Variants in L3MBTL4 observed in about 807,000 individuals in gnomAD.
The protein encoded by L3MBTL4 is lethal(3)malignant brain tumor-like protein 4.
In L3MBTL4, 70 loss-of-function variants were observed where a neutral mutation model predicts 84.5. The observed-to-expected ratio is 0.83, with a 90% CI of 0.68 to 1.01. L3MBTL4 has a LOEUF of 1.01. L3MBTL4 is among the 50% of genes least tolerant of loss of function. The pLI is 0.00. For synonymous variants in L3MBTL4, 274 were observed against 259.8 expected, an observed-to-expected ratio of 1.05 and a Z score of -0.52; for missense variants, 715 against 754.8, an observed-to-expected ratio of 0.95 and a Z score of 0.62.
At chr18:6,273,566 T>C (rs1265059284) in intron 4 of L3MBTL4, among the ~76,000 whole-genome samples, 1 of 151,212 alleles carries the variant, frequency 6.6e-6, no homozygotes, top group Non-Finnish European at 1.5e-5. Context: ...CCAGGGGACT[T>C]TCTCCAACAG....
At chr18:6,224,393 G>A (rs2046688835) in intron 10 of L3MBTL4, among the ~76,000 whole-genome samples, 1 of 152,230 alleles carries the variant, frequency 6.6e-6, no homozygotes, top group African/African-American at 2.4e-5. Context: ...GCAGTGTGGG[G>A]CTAAACACAG....
chr18:5,991,484 C>G (rs1165491290), intron 16 of L3MBTL4, among the ~76,000 whole-genome samples: 1 of 152,160 alleles, frequency 6.6e-6, no homozygotes, highest in African/African-American at 2.4e-5. Context: ...AGTCACATGG[C>G]AGGTTGGTCA....
intron 16 of L3MBTL4, among the ~76,000 whole-genome samples, chr18:6,036,969 G>C (rs899268524): frequency 1.3e-5 from 2 of 152,148 alleles, no homozygotes. Context: ...AAGAAGAAAA[G>C]AGAAAAATGA....
intron 15 of L3MBTL4, among the ~76,000 whole-genome samples, chr18:6,089,180 G>T (rs939312707): frequency 2.2e-4 from 33 of 152,188 alleles, no homozygotes; most frequent in African/African-American, 7.7e-4. Context: ...GGGGAGTAGA[G>T]GGGAGCTGCA....
chr18:6,350,872 C>A (rs2143762613), intron 1 of L3MBTL4, among the ~76,000 whole-genome samples: 1 of 152,230 alleles, frequency 6.6e-6, no homozygotes, highest in Non-Finnish European at 1.5e-5. Flanking sequence ...TATAAACATA[C>A]AATGGAATAT....
At chr18:6,218,057 A>T (rs2046397591) in intron 10 of L3MBTL4, among the ~76,000 whole-genome samples, 2 of 151,876 alleles carry the variant, frequency 1.3e-5, no homozygotes, top group South Asian at 4.2e-4. Context: ...CCTTTCCTTT[A>T]TGAGTTATAC....
intron 16 of L3MBTL4, chr18:6,030,299 A>G: frequency 1.0e-6 from 1 of 985,432 alleles, no homozygotes; most frequent in South Asian, 4.7e-5. Flanking sequence ...GCACAAATCA[A>G]TAATATGCTT....
intron 4 of L3MBTL4, among the ~76,000 whole-genome samples, chr18:6,294,910 G>T (rs1402946273): frequency 6.6e-6 from 1 of 152,092 alleles, no homozygotes; most frequent in African/African-American, 2.4e-5. Context: ...ATAAGGCAAA[G>T]ATTTTAATAC....
intron 14 of L3MBTL4, among the ~76,000 whole-genome samples, chr18:6,124,220 T>C (rs191097813): frequency 6.6e-6 from 1 of 152,018 alleles, no homozygotes; most frequent in Non-Finnish European, 1.5e-5. Context: ...GAGGGATAGA[T>C]GTAGAGGTTC....
chr18:6,067,169 G>A (rs538400445), intron 16 of L3MBTL4, among the ~76,000 whole-genome samples: 2 of 152,294 alleles, frequency 1.3e-5, no homozygotes, highest in African/African-American at 4.8e-5. Context: ...GAAATCTGCT[G>A]TTAGTTGGAT....
intron 14 of L3MBTL4, among the ~76,000 whole-genome samples, chr18:6,133,545 T>C (rs1229549684): frequency 1.3e-5 from 2 of 151,928 alleles, no homozygotes; most frequent in African/African-American, 4.8e-5. Context: ...CCTGGTTTCC[T>C]CCTCCCCTCA....
At position 6,114,018 on chromosome 18, in the gene L3MBTL4, A is replaced by G. The variant is rs1437322855; in HGVS notation, c.1200-20490T>C. The stretch of plus-strand genomic sequence containing the variant: ...TTCTTCCAATATTAATTGAGCACCT[A>G]CTTGATGCCAAGAACTGTTGTAGGC... On this transcript the variant is annotated intron_variant, in intron 14 of 18. Transcript: ENST00000317931. Among the ~76,000 whole-genome samples the G allele has an allele frequency of 1.7e-4, 26 of 152,180 alleles. 1 individual carries two copies. Among genetic ancestry groups the G allele is most frequent in the Admixed American group, 1.7e-3 (26 of 15,264 alleles).
At chr18:6,245,164 G>T (rs542310005) in intron 5 of L3MBTL4, among the ~76,000 whole-genome samples, 1 of 152,244 alleles carries the variant, frequency 6.6e-6, no homozygotes, top group East Asian at 1.9e-4. Flanking sequence ...CTCCCAAAGT[G>T]CTGGGATTAC....
chr18:6,255,653 C>T (rs1477353951), intron 5 of L3MBTL4, among the ~76,000 whole-genome samples: 1 of 151,976 alleles, frequency 6.6e-6, no homozygotes, highest in Non-Finnish European at 1.5e-5. Flanking sequence ...ATTTAAACTC[C>T]AACCAAACAT....
intron 14 of L3MBTL4, among the ~76,000 whole-genome samples, 192 bp downstream of exon 14, chr18:6,138,002 T>C (rs1040465031): frequency 2.0e-5 from 3 of 152,022 alleles, no homozygotes; most frequent in Non-Finnish European, 4.4e-5. Flanking sequence ...GCCTCATAAT[T>C]CCAAGAAGGT....
intron 12 of L3MBTL4, among the ~76,000 whole-genome samples, chr18:6,198,530 C>T (rs922587927): frequency 6.6e-6 from 1 of 152,128 alleles, no homozygotes; most frequent in Non-Finnish European, 1.5e-5. Context: ...GATCTAAAGA[C>T]GTTAATTTCT....
At chr18:6,336,493 G>A (rs2052346281) in intron 1 of L3MBTL4, among the ~76,000 whole-genome samples, 1 of 152,156 alleles carries the variant, frequency 6.6e-6, no homozygotes, top group Admixed American at 6.5e-5. Context: ...CAGTCACATA[G>A]TACTATGAAG....
intron 16 of L3MBTL4, among the ~76,000 whole-genome samples, chr18:6,047,991 T>C (rs1309089831): frequency 6.6e-6 from 1 of 152,184 alleles, no homozygotes; most frequent in Non-Finnish European, 1.5e-5. Flanking sequence ...AGTACGATTC[T>C]ACACCTAGAA....
At chr18:6,128,248 A>G (rs762040714) in intron 14 of L3MBTL4, among the ~76,000 whole-genome samples, 6 of 152,172 alleles carry the variant, frequency 3.9e-5, no homozygotes, top group Non-Finnish European at 8.8e-5. Flanking sequence ...GAGATATTTC[A>G]TAAAAGAGAA....
Sources: allele counts gnomAD v4.1 joint callset (sites outside exome capture counted in the v4.1 genomes callset), GRCh38; gene constraint gnomAD v4.1.1; transcripts MANE v1.5; gene names NCBI Gene and HGNC (gene_info 2026-07-23, HGNC 2026-07-21).